Variants in MYO15A observed in about 807,000 individuals in gnomAD.
MYO15A encodes the protein myosin XVA.
MYO15A carries 308 observed loss-of-function variants against 394.6 expected under a neutral mutation model. That is an observed-to-expected ratio of 0.78 (90% confidence interval 0.71 to 0.86). The LOEUF (loss-of-function observed/expected upper bound fraction) is 0.86. Ranked by LOEUF, MYO15A falls within the 40% of genes least tolerant of loss-of-function variation. The pLI is 0.00. For synonymous variants in MYO15A, 1,957 were observed against 2,003.8 expected, an observed-to-expected ratio of 0.98 and a Z score of 0.62; for missense variants, 4,606 against 4,799.1, an observed-to-expected ratio of 0.96 and a Z score of 1.19.
At chr17:18,172,375 G>C (rs145988980) in intron 64 of MYO15A, 85 bp downstream of exon 64, 2 of 1,588,428 alleles carry the variant, frequency 1.3e-6, no homozygotes. Context: ...ACCTCCAGCC[G>C]CCGAAGCCCA....
At position 18,171,645 on chromosome 17, in the gene MYO15A, G is replaced by A. The variant is rs767640351; in HGVS notation, c.10090G>A (p.Val3364Ile). 1.2e-6 allele frequency: 2 copies of A among 1,613,920 alleles called. No homozygotes were observed. The highest frequency in any genetic ancestry group is 1.7e-6 in the Non-Finnish European group (2 of 1,180,042). Residue 3364 changes from valine (V) to isoleucine (I), a missense_variant, in exon 63 of 66, where the codon GTC becomes ATC. Transcript: ENST00000647165. Reference sequence around the variant, plus strand: ...CCCTTCCTCCGTACACAGGCGGGAAGTCCAGGAGTACATCCCAGCCCAGCT... The same window carrying A: ...CCCTTCCTCCGTACACAGGCGGGAAATCCAGGAGTACATCCCAGCCCAGCT... ...DHFYLPSVRE[V>I]QEYIPAQLYR...
At chr17:18,138,707 C>T in intron 17 of MYO15A, 104 bp from the exon 18 acceptor site, 2 of 1,479,386 alleles carry the variant, frequency 1.4e-6, no homozygotes, top group Non-Finnish European at 1.8e-6. Flanking sequence ...TTGTTCCTCT[C>T]TGGTGCTCAG....
Position 18,132,717 on chromosome 17 carries a change from C to G in MYO15A, c.4320+151C>G. On this transcript the variant is annotated intron_variant, in intron 11 of 65. Coordinates refer to ENST00000647165, the MANE Select transcript of MYO15A (RefSeq NM_016239.4). The surrounding 1 kb of genome is among the most constrained non-coding windows in gnomAD (Gnocchi z 4.6). ...AGTTTGGATTTAAGACATCTCATGG[C>G]AGTGAGGGGGACCAGGAGTCTTCTG... The G allele has an allele frequency of 2.9e-6, 2 of 696,222 alleles. No homozygotes were observed. Among genetic ancestry groups the G allele is most frequent in the South Asian group, 3.2e-5 (2 of 63,022 alleles). 43.1% of individuals were successfully genotyped at this position (696,222 alleles called of 1,614,324 possible). A position where few individuals can be genotyped will look rare whatever the true frequency, so the allele number is the denominator to read the frequency against.
intron 21 of MYO15A, 86 bp downstream of exon 21, chr17:18,140,918 C>A: frequency 1.9e-6 from 3 of 1,612,402 alleles, no homozygotes; most frequent in Non-Finnish European, 2.5e-6. Context: ...CCTCTCAGGA[C>A]CTGCATCTGC....
chr17:18,158,465 C>G (rs2046722113), intron 51 of MYO15A, 58 bp from the exon 52 acceptor site: 1 of 1,507,518 alleles, frequency 6.6e-7, no homozygotes, highest in Non-Finnish European at 9.2e-7. Flanking sequence ...CAGTTTTGAC[C>G]GAAGGGCTAG....
At chr17:18,130,345 G>GT (rs375467189) in intron 7 of MYO15A, among the ~76,000 whole-genome samples, 57 of 151,578 alleles carry the variant, frequency 3.8e-4, no homozygotes, top group African/African-American at 1.4e-3. Flanking sequence ...AAAATAGAGA[G>GT]TTTGCCAATG....
chr17:18,116,926 A>G (rs2045795752), intron 1 of MYO15A, among the ~76,000 whole-genome samples: 1 of 127,112 alleles, frequency 7.9e-6, no homozygotes, highest in Non-Finnish European at 1.6e-5. Context: ...TCTCAAAAAA[A>G]AAAAAAGAAA....
In MYO15A at chr17:18,131,522, C is replaced by T. The variant is rs777564646; in HGVS notation, c.4197C>T (p.Ile1399=). 7.4e-6 allele frequency: 12 copies of T among 1,613,912 alleles called. No individual in the cohort carries two copies. Among genetic ancestry groups the T allele is most frequent in the Non-Finnish European group, 1.0e-5 (12 of 1,179,932 alleles). Residue 1399 remains isoleucine (I), a synonymous_variant, in exon 10 of 66, where the codon ATC becomes ATT. Coordinates refer to ENST00000647165, the MANE Select transcript of MYO15A (RefSeq NM_016239.4). ...TSQYLLEKSR[I]VFQAKNERNY... is the part of the protein sequence containing the mutation. ...AGTACCTGCTTGAGAAATCCAGGAT[C>T]GTGTTTCAGGTGGGCCACCCCCTCC...
chr17:18,178,967 G>C lies in MYO15A; in HGVS notation c.*97G>C. The stretch of plus-strand genomic sequence containing the variant: ...CTCAGGATCAATGACCCCTGTAAGG[G>C]GCCAGAGCCTTGGAGGACACTAAGA... On this transcript the variant is annotated 3_prime_UTR_variant, in exon 66 of 66. Coordinates refer to ENST00000647165, the MANE Select transcript of MYO15A (RefSeq NM_016239.4). The C allele has an allele frequency of 7.9e-7, 1 of 1,265,060 alleles. No individual in the cohort carries two copies. Among genetic ancestry groups the C allele is most frequent in the Non-Finnish European group, 1.1e-6 (1 of 893,164 alleles). 78.4% of individuals were successfully genotyped at this position (1,265,060 alleles called of 1,614,324 possible).
rs1160820128 is a variant in MYO15A at position 18,178,750 on chromosome 17, C to CTGT, written c.10492-18_10492-16dup. 1 of 1,611,714 alleles carries CTGT rather than the reference C, an allele frequency of 6.2e-7. No individual in the cohort carries two copies. Among genetic ancestry groups the CTGT allele is most frequent in the Admixed American group, 1.7e-5 (1 of 60,016 alleles). ...TGGGGAAGTGTTGGATGGGCGTGGA[C>CTGT]TGTCACTGTCACCTGCAGGGACTGG... On this transcript the variant is annotated intron_variant, in intron 65 of 65. Transcript: ENST00000647165.
chr17:18,159,902 T>G, intron 55 of MYO15A, 33 bp from the exon 56 acceptor site: 1 of 1,610,604 alleles, frequency 6.2e-7, no homozygotes. Flanking sequence ...CCCTCACATG[T>G]CTTTGGTGTG....
Position 18,153,290 on chromosome 17 carries a change from T to C in MYO15A, c.7967-485T>C, listed in dbSNP as rs1398115931. The C allele has an allele frequency of 1.3e-5, 2 of 152,396 alleles. No homozygotes were observed. The highest frequency in any genetic ancestry group is 2.9e-5 in the Non-Finnish European group (2 of 68,348). 9.4% of individuals were successfully genotyped at this position (152,396 alleles called of 1,614,324 possible). ...GGTGGTGGGCACATCCAATAGGTGT[T>C]TTTATGTGTTGAATGAAAGGCTGGG... On this transcript the variant is annotated intron_variant, in intron 42 of 65. Transcript: ENST00000647165. This position sits in a 1 kb window ranked among gnomAD's most constrained non-coding sequence, Gnocchi z 4.1.
chr17:18,170,847 A>C (rs1342954792), intron 62 of MYO15A, among the ~76,000 whole-genome samples: 1 of 152,202 alleles, frequency 6.6e-6, no homozygotes, highest in Non-Finnish European at 1.5e-5. Context: ...TTTACAGATA[A>C]GGCCCAGAGA....
chr17:18,175,069 T>C (rs569199575), intron 65 of MYO15A, among the ~76,000 whole-genome samples: 2 of 149,622 alleles, frequency 1.3e-5, no homozygotes, highest in African/African-American at 4.9e-5. Flanking sequence ...CTCTGTGGTG[T>C]TCTCCTACCT....
chr17:18,130,794 C>A lies in MYO15A; in HGVS notation c.4033-11C>A. On this transcript the variant is annotated splice_polypyrimidine_tract_variant and intron_variant, in intron 7 of 65. Transcript: ENST00000647165. ...CTGTCTCTTTGTCCTCCCTCCTGGACGCTCTTGAAGATAAAGGTACTCAGT... is the reference window on the plus strand; with the variant it reads ...CTGTCTCTTTGTCCTCCCTCCTGGAAGCTCTTGAAGATAAAGGTACTCAGT... The A allele has an allele frequency of 6.2e-7, 1 of 1,609,140 alleles. No individual in the cohort carries two copies. Among genetic ancestry groups the A allele is most frequent in the Non-Finnish European group, 8.5e-7 (1 of 1,178,946 alleles).
rs2046386297 is a variant in MYO15A at position 18,141,732 on chromosome 17, A to G, written c.5611A>G (p.Lys1871Glu). Residue 1871 changes from lysine (K) to glutamate (E), a missense_variant, in exon 23 of 66, where the codon AAA becomes GAA. Physicochemically the swap from Lys to Glu is moderately conservative, Grantham distance 56 (BLOSUM62 1). Coordinates refer to ENST00000647165, the MANE Select transcript of MYO15A (RefSeq NM_016239.4). The part of the protein sequence containing the change: ...MCVSVLSRLC[K>E]VMPNMYRVGV... ...TGTGTCAGTGCTGAGTCGCCTGTGC[A>G]AAGTCATGCCAAACATGTACCGTGT... The G allele has an allele frequency of 6.2e-7, 1 of 1,613,980 alleles. No homozygotes were observed. The highest frequency in any genetic ancestry group is 8.5e-7 in the Non-Finnish European group (1 of 1,180,034).
chr17:18,128,033 T>C (rs1233385547), intron 7 of MYO15A, among the ~76,000 whole-genome samples: 1 of 151,492 alleles, frequency 6.6e-6, no homozygotes, highest in African/African-American at 2.4e-5. Flanking sequence ...AGGGGAACAG[T>C]GAAGAGGCAG....
chr17:18,135,975 G>A (rs2142316354), intron 13 of MYO15A, 151 bp downstream of exon 13: 1 of 713,136 alleles, frequency 1.4e-6, no homozygotes, highest in Non-Finnish European at 2.4e-6. Flanking sequence ...TCAGACCCCA[G>A]AGACATTTCA....
Position 18,157,900 on chromosome 17 carries a change from G to T in MYO15A, c.8967G>T (p.Glu2989Asp). 1 of 1,423,186 alleles carries T rather than the reference G, an allele frequency of 7.0e-7. No individual in the cohort carries two copies. Among genetic ancestry groups the T allele is most frequent in the African/African-American group, 1.5e-5 (1 of 68,948 alleles). 88.2% of individuals were successfully genotyped at this position (1,423,186 alleles called of 1,614,324 possible). The change falls in exon 51 of 66, where the codon GAG (glutamate) becomes GAT (aspartate). Residue 2989 changes from glutamate to aspartate, a missense_variant and splice_region_variant. By Grantham distance (45) the Glu-to-Asp change is conservative. Coordinates refer to ENST00000647165, the MANE Select transcript of MYO15A (RefSeq NM_016239.4). ...CACAGGAGGTGGGCCGCAGGAGAGAGGTGAGACCAGTGTGGGTGGGGTGGG... is the reference window on the plus strand; with the variant it reads ...CACAGGAGGTGGGCCGCAGGAGAGATGTGAGACCAGTGTGGGTGGGGTGGG... ...AAAQEVGRRR[E>D]GPPVRARSAD...
Sources: allele counts gnomAD v4.1 joint callset (sites outside exome capture counted in the v4.1 genomes callset), GRCh38; gene constraint gnomAD v4.1.1; non-coding constraint Gnocchi (gnomAD v3.1); transcripts MANE v1.5; gene names NCBI Gene and HGNC (gene_info 2026-07-23, HGNC 2026-07-21).